The following TM9SF4 variants were observed in gnomAD, a reference collection of about 807,000 sequenced individuals.
The protein encoded by TM9SF4 is transmembrane 9 superfamily member 4, also known as dinucleotide oxidase disulfide thiol exchanger 3 superfamily member 4.
TM9SF4 carries 26 observed loss-of-function variants against 90.4 expected under a neutral mutation model. That is an observed-to-expected ratio of 0.29 (90% CI 0.21 to 0.40). The LOEUF (loss-of-function observed/expected upper bound fraction) is 0.40, where lower values mean the gene tolerates loss of function less well. Ranked by LOEUF, TM9SF4 falls within the 10% of genes least tolerant of loss-of-function variation. TM9SF4 has a pLI of 1.00. For missense variants in TM9SF4, 549 were observed against 834.8 expected, an observed-to-expected ratio of 0.66 and a Z score of 4.22; for synonymous variants, 293 against 315.4, an observed-to-expected ratio of 0.93 and a Z score of 0.75.
chr20:32,121,475 T>G (rs1335441050), intron 1 of TM9SF4, among the ~76,000 whole-genome samples: 1 of 151,888 alleles, frequency 6.6e-6, no homozygotes, highest in Non-Finnish European at 1.5e-5. Context: ...TCCATTTAAC[T>G]CTGAGTGGAC....
rs759038812 is a variant in TM9SF4 at position 32,150,654 on chromosome 20, A to G, written c.1120A>G (p.Ser374Gly). 9 of 1,614,058 alleles carry G rather than the reference A, an allele frequency of 5.6e-6. No homozygotes were observed. The East Asian group carries it at 2.0e-4, about 36-fold the overall frequency. ...CATGCTTGGGATGCTGTCGCCCTCC[A>G]GCCGGGGAGCTCTCATGACCACAGC... ...VAMLGMLSPS[S>G]RGALMTTACF... is the part of the protein sequence containing the mutation. Residue 374 changes from serine to glycine, a missense_variant, in exon 11 of 18, where the codon AGC becomes GGC. Coordinates refer to ENST00000398022, the MANE Select transcript of TM9SF4 (RefSeq NM_014742.4).
At chr20:32,149,610 C>A in intron 9 of TM9SF4, 24 bp from the exon 10 acceptor site, 1 of 1,614,180 alleles carries the variant, frequency 6.2e-7, no homozygotes, top group Non-Finnish European at 8.5e-7. Context: ...CAACAACCAG[C>A]CTCACTCTGG....
chr20:32,112,693 CAAAA>C (rs11406793), intron 1 of TM9SF4, among the ~76,000 whole-genome samples: 2 of 121,702 alleles, frequency 1.6e-5, no homozygotes, highest in African/African-American at 3.0e-5. Context: ...GACCCTATCT[CAAAA>C]AAAAAAAAAA....
intron 10 of TM9SF4, 114 bp from the exon 11 acceptor site, chr20:32,150,508 C>T: frequency 8.1e-7 from 1 of 1,230,514 alleles, no homozygotes; most frequent in Non-Finnish European, 1.2e-6. Context: ...CTCATCTGCC[C>T]AGAGTCCTCC....
chr20:32,161,466 C>A, intron 17 of TM9SF4, 101 bp downstream of exon 17: 1 of 1,136,786 alleles, frequency 8.8e-7, no homozygotes, highest in Non-Finnish European at 1.3e-6. Context: ...CTTCCTTTTC[C>A]ACCCAGAATG....
In TM9SF4 at chr20:32,123,866, A is replaced by ATATATATATT; in HGVS notation, c.16-9146_16-9145insATATATATTT. Among the ~76,000 whole-genome samples, 146 of 93,946 alleles carry ATATATATATT rather than the reference A, an allele frequency of 1.6e-3. 2 individuals carry two copies. Among genetic ancestry groups the ATATATATATT allele is most frequent in the African/African-American group, 5.8e-3 (127 of 21,970 alleles). 61.6% of individuals were successfully genotyped at this position (93,946 alleles called of 152,430 possible). A position where few individuals can be genotyped will look rare whatever the true frequency, so the allele number is the denominator to read the frequency against. On this transcript the variant is annotated intron_variant, in intron 1 of 17. Coordinates refer to ENST00000398022, the MANE Select transcript of TM9SF4 (RefSeq NM_014742.4). ...CTCTCATATATATATATATATATATATTTTTTTTTTTAAAGAGATAGGGTC... is the reference window on the plus strand; with the variant it reads ...CTCTCATATATATATATATATATATATATATATATTTTTTTTTTTTTAAAGAGATAGGGTC...
chr20:32,153,393 G>C (rs1288143527), intron 12 of TM9SF4, among the ~76,000 whole-genome samples: 1 of 152,212 alleles, frequency 6.6e-6, no homozygotes, highest in Non-Finnish European at 1.5e-5. Context: ...CGTCATTGTG[G>C]TTAGTGACCC....
chr20:32,144,015 C>T (rs1422616439), intron 6 of TM9SF4, among the ~76,000 whole-genome samples: 1 of 152,012 alleles, frequency 6.6e-6, no homozygotes, highest in African/African-American at 2.4e-5. Context: ...GCGCGATCTC[C>T]GCTCACTGCA....
chr20:32,115,806 GCTTTT>G, intron 1 of TM9SF4, among the ~76,000 whole-genome samples: 1 of 106,306 alleles, frequency 9.4e-6, no homozygotes, highest in South Asian at 3.0e-4. Flanking sequence ...ACCACTTTAA[GCTTTT>G]TTTTTTTTTT....
At position 32,157,734 on chromosome 20, in the gene TM9SF4, G is replaced by A; in HGVS notation, c.1330-60G>A. 4 of 1,590,396 alleles carry A rather than the reference G, an allele frequency of 2.5e-6. No individual in the cohort carries two copies. In the Admixed American group the frequency reaches 6.8e-5, roughly 27 times the overall value. On this transcript the variant is annotated intron_variant, in intron 13 of 17. Transcript: ENST00000398022. The stretch of plus-strand genomic sequence containing the variant: ...GAGCCCAGAAGGTCCCCTCCCCCTT[G>A]CGCAGCCCCCATCCCGGGCATCAGG...
At chr20:32,109,878 C>CT (rs2046114415) in intron 1 of TM9SF4, 123 bp downstream of exon 1, 1 of 1,516,800 alleles carries the variant, frequency 6.6e-7, no homozygotes, top group Non-Finnish European at 8.8e-7. Flanking sequence ...GGCCTGAGGG[C>CT]TACCTCTGAC....
chr20:32,112,705 A>AC (rs1283860666), intron 1 of TM9SF4, among the ~76,000 whole-genome samples: 17 of 149,758 alleles, frequency 1.1e-4, no homozygotes, highest in Non-Finnish European at 1.9e-4. Context: ...AAAAAAAAAA[A>AC]AAAACAAAAA....
chr20:32,130,505 A>G (rs1010687410), intron 1 of TM9SF4, among the ~76,000 whole-genome samples: 3 of 152,174 alleles, frequency 2.0e-5, no homozygotes, highest in Non-Finnish European at 4.4e-5. Context: ...AACCAATGAC[A>G]CATGAGGGTT....
In TM9SF4 at chr20:32,128,790, C is replaced by CTGTGTGTGTGTGTGTGTG. The variant is rs55977888; in HGVS notation, c.16-4203_16-4186dup. Among the ~76,000 whole-genome samples, 208 of 145,358 alleles carry CTGTGTGTGTGTGTGTGTG rather than the reference C, an allele frequency of 1.4e-3. 1 individual carries two copies. The highest frequency in any genetic ancestry group is 7.6e-3 in the Admixed American group (109 of 14,364). ...TTTTATGGCTGAAGAGTATTCCATT[C>CTGTGTGTGTGTGTGTGTG]TGTGTGTGTGTGTGTGTGTGTGTGT... On this transcript the variant is annotated intron_variant, in intron 1 of 17. Transcript: ENST00000398022.
rs2046812805 is a variant in TM9SF4, at chr20:32,149,616, T to C, written c.955-18T>C. 6.2e-7 allele frequency: 1 copy of C among 1,614,046 alleles called. No individual in the cohort carries two copies. The highest frequency in any genetic ancestry group is 1.7e-5 in the Admixed American group (1 of 60,010). Reference sequence around the variant, plus strand: ...CTCCATCTTCAACAACCAGCCTCACTCTGGCCCTTCGCTGCAGGAAGACAC... The same window carrying C: ...CTCCATCTTCAACAACCAGCCTCACCCTGGCCCTTCGCTGCAGGAAGACAC... On this transcript the variant is annotated intron_variant, in intron 9 of 17. Coordinates refer to ENST00000398022, the MANE Select transcript of TM9SF4 (RefSeq NM_014742.4).
chr20:32,115,822 T>TTTC (rs1430178823), intron 1 of TM9SF4, among the ~76,000 whole-genome samples: 1 of 140,468 alleles, frequency 7.1e-6, no homozygotes, highest in Non-Finnish European at 1.5e-5. Flanking sequence ...TTTTTTTTTT[T>TTTC]TTTTTTTTTG....
At chr20:32,125,685 T>C (rs953713961) in intron 1 of TM9SF4, among the ~76,000 whole-genome samples, 9 of 63,014 alleles carry the variant, frequency 1.4e-4, no homozygotes, top group South Asian at 6.0e-4. Flanking sequence ...TTTTTTCTTT[T>C]TTTTTTTTTT....
chr20:32,128,790 C>CTGTGTGTGTGTGTGTGTGTGTGTG, intron 1 of TM9SF4, among the ~76,000 whole-genome samples: 3 of 145,368 alleles, frequency 2.1e-5, no homozygotes, highest in East Asian at 4.1e-4. Flanking sequence ...GTATTCCATT[C>CTGTGTGTGTGTGTGTGTGTGTGTG]TGTGTGTGTG....
At chr20:32,163,800 AG>A (rs1158476832) in intron 17 of TM9SF4, among the ~76,000 whole-genome samples, 1 of 151,744 alleles carries the variant, frequency 6.6e-6, no homozygotes, top group Non-Finnish European at 1.5e-5. Flanking sequence ...TAGCAGAGAC[AG>A]GGTTTCTCCA....
Sources: allele counts gnomAD v4.1 joint callset (sites outside exome capture counted in the v4.1 genomes callset), GRCh38; gene constraint gnomAD v4.1.1; transcripts MANE v1.5; gene names NCBI Gene and HGNC (gene_info 2026-07-23, HGNC 2026-07-21).